Variants in PCDHGA3 observed in about 807,000 individuals in gnomAD.
PCDHGA3 encodes the protein protocadherin gamma subfamily A, 3, also known as protocadherin gamma-A3.
A neutral mutation model predicts 58.5 loss-of-function variants in PCDHGA3; 40 were observed. That is an observed-to-expected ratio of 0.68 (90% CI 0.53 to 0.89). PCDHGA3 has a LOEUF of 0.89. Ranked by LOEUF, PCDHGA3 falls within the 40% of genes least tolerant of loss-of-function variation. PCDHGA3 has a pLI of 0.00. For synonymous variants in PCDHGA3, 530 were observed against 525.7 expected (o/e 1.01, Z -0.11); for missense variants, 1,223 against 1,195.9 (o/e 1.02, Z -0.33).
rs2099883574 is a variant in PCDHGA3, at chr5:141,511,027, C to T, written c.2653C>T (p.Leu885=). The change falls in exon 4 of 4, where the codon CTG becomes TTG. Residue 885 remains leucine (L), a synonymous_variant. Transcript: ENST00000253812. ...CGCCCGCTACGGACCCCAGTTCACCCTGCAGCACGTGCCCGACTACCGCCA... is the reference window on the plus strand; with the variant it reads ...CGCCCGCTACGGACCCCAGTTCACCTTGCAGCACGTGCCCGACTACCGCCA... The part of the protein sequence containing the change: ...LSARYGPQFT[L]QHVPDYRQNV... 2 of 1,614,230 alleles carry T rather than the reference C, an allele frequency of 1.2e-6. No individual in the cohort carries two copies. The highest frequency in any genetic ancestry group is 1.7e-6 in the Non-Finnish European group (2 of 1,180,034).
At chr5:141,381,271 T>G (rs1366742753) in intron 1 of PCDHGA3, among the ~76,000 whole-genome samples, 1 of 152,252 alleles carries the variant, frequency 6.6e-6, no homozygotes, top group Non-Finnish European at 1.5e-5. Context: ...CCAAGACTGT[T>G]TCTTGCCAGG....
At chr5:141,505,028 G>A (rs2099842951) in intron 2 of PCDHGA3, among the ~76,000 whole-genome samples, 1 of 152,164 alleles carries the variant, frequency 6.6e-6, no homozygotes, top group Admixed American at 6.5e-5. Flanking sequence ...CTGGCACAGT[G>A]GCAGGTGCCT....
intron 1 of PCDHGA3, chr5:141,356,935 C>G (rs757650292): frequency 6.2e-7 from 1 of 1,614,226 alleles, no homozygotes; most frequent in South Asian, 1.1e-5. Flanking sequence ...GGAGCTGGCA[C>G]CCCGCTCCGC....
chr5:141,390,016 T>G (rs768656280), intron 1 of PCDHGA3: 2 of 1,613,978 alleles, frequency 1.2e-6, no homozygotes, highest in East Asian at 4.5e-5. Context: ...GCCATTGCCT[T>G]GCGCCTGCGA....
intron 3 of PCDHGA3, chr5:141,507,291 T>A (rs956764262): frequency 3.4e-5 from 5 of 147,704 alleles, no homozygotes; most frequent in African/African-American, 5.1e-5. Flanking sequence ...CAGTCTCAAA[T>A]GTTGCATGAG....
intron 1 of PCDHGA3, chr5:141,384,203 A>T (rs568171038): frequency 6.2e-7 from 1 of 1,613,900 alleles, no homozygotes; most frequent in African/African-American, 1.3e-5. Context: ...TTGTCCAGGG[A>T]AACTCACATA....
chr5:141,410,518 C>T (rs753664223), intron 1 of PCDHGA3: 1 of 1,613,820 alleles, frequency 6.2e-7, no homozygotes, highest in Non-Finnish European at 8.5e-7. Flanking sequence ...GCAGTGTGCC[C>T]CTACATTCCA....
chr5:141,477,427 C>T lies in PCDHGA3; in HGVS notation c.2425-17380C>T. On this transcript the variant is annotated intron_variant, in intron 1 of 3. Coordinates refer to ENST00000253812, the MANE Select transcript of PCDHGA3 (RefSeq NM_018916.4). The surrounding 1 kb of genome is among the most constrained non-coding windows in gnomAD (Gnocchi z 4.9). ...CCCGAGACGCCGGAACCCCTTCCCT[C>T]TCAGCCCTTACAATAGTGCGTGTTC... The T allele has an allele frequency of 6.2e-7, 1 of 1,614,220 alleles. No homozygotes were observed. The highest frequency in any genetic ancestry group is 8.5e-7 in the Non-Finnish European group (1 of 1,180,046).
At chr5:141,448,542 T>G (rs2098594694) in intron 1 of PCDHGA3, among the ~76,000 whole-genome samples, 1 of 152,210 alleles carries the variant, frequency 6.6e-6, no homozygotes, top group Non-Finnish European at 1.5e-5. Flanking sequence ...GCATTTCTTA[T>G]GCAAATATGT....
chr5:141,456,087 C>T (rs1218579202), intron 1 of PCDHGA3, among the ~76,000 whole-genome samples: 1 of 151,886 alleles, frequency 6.6e-6, no homozygotes, highest in Non-Finnish European at 1.5e-5. Context: ...TCAGTAGAGA[C>T]GGGATTTCAC....
In PCDHGA3 at chr5:141,463,735, C is replaced by T. The variant is rs1411988885; in HGVS notation, c.2425-31072C>T. On this transcript the variant is annotated intron_variant, in intron 1 of 3. Coordinates refer to ENST00000253812, the MANE Select transcript of PCDHGA3 (RefSeq NM_018916.4). ...TGCTGGGATTACAGGCATGAGCCAC[C>T]GCGCCCGGCCTGCTTCTCTTCTCTT... 3.3e-5 allele frequency among the ~76,000 whole-genome samples: 5 copies of T among 152,100 alleles called. No individual in the cohort carries two copies. The East Asian group carries it at 7.8e-4, about 24-fold the overall frequency.
Position 141,404,625 on chromosome 5 carries a change from A to G in PCDHGA3, c.2424+58168A>G, listed in dbSNP as rs375300806. The G allele has an allele frequency of 9.0e-5, 146 of 1,614,036 alleles. No homozygotes were observed. The highest frequency in any genetic ancestry group is 5.1e-4 in the South Asian group (46 of 91,078). On this transcript the variant is annotated intron_variant, in intron 1 of 3. Transcript: ENST00000253812. ...CTGTTTGTTTTGGACCAGAATGACA[A>G]TGCCCCAGAAATCCTGTACCCTGCC...
At chr5:141,419,203 C>A in intron 1 of PCDHGA3, 1 of 1,613,988 alleles carries the variant, frequency 6.2e-7, no homozygotes, top group South Asian at 1.1e-5. Context: ...TCAATGACAA[C>A]GCGCCGGTTT....
chr5:141,360,055 G>A, intron 1 of PCDHGA3: 1 of 1,446,612 alleles, frequency 6.9e-7, no homozygotes, highest in Non-Finnish European at 9.1e-7. Context: ...ACAAAAGCAG[G>A]AAAAGTGACC....
At chr5:141,366,613 G>A (rs555802357) in intron 1 of PCDHGA3, 93 of 1,614,096 alleles carry the variant, frequency 5.8e-5, no homozygotes, top group African/African-American at 8.0e-5. Context: ...CCCTCACCGC[G>A]GACTCGAGGA....
intron 1 of PCDHGA3, among the ~76,000 whole-genome samples, chr5:141,407,131 T>C (rs1164616354): frequency 6.6e-6 from 1 of 152,226 alleles, no homozygotes; most frequent in African/African-American, 2.4e-5. Context: ...TGCTTTATTT[T>C]TAAGAAAAAA....
chr5:141,414,173 C>A, intron 1 of PCDHGA3: 1 of 1,606,526 alleles, frequency 6.2e-7, no homozygotes. Context: ...GCATATCTTG[C>A]AACTGCAAAA....
chr5:141,451,536 G>A (rs1183287437), intron 1 of PCDHGA3, among the ~76,000 whole-genome samples: 1 of 152,202 alleles, frequency 6.6e-6, no homozygotes, highest in Non-Finnish European at 1.5e-5. Context: ...GAGAGTGCCA[G>A]AGAGGGCAAA....
At position 141,476,395 on chromosome 5, in the gene PCDHGA3, T is replaced by C. The variant is rs545562470; in HGVS notation, c.2425-18412T>C. 4 of 1,614,020 alleles carry C rather than the reference T, an allele frequency of 2.5e-6. 1 individual carries two copies. In the South Asian group the frequency reaches 4.4e-5, roughly 18 times the overall value. On this transcript the variant is annotated intron_variant, in intron 1 of 3. Transcript: ENST00000253812. This position sits in a 1 kb window ranked among gnomAD's most constrained non-coding sequence, Gnocchi z 7.6. ...AGATGTTTGTGAACGACCGTCTGGATCGAGAGGAGCTGTGTGGGACACTGC... is the reference window on the plus strand; with the variant it reads ...AGATGTTTGTGAACGACCGTCTGGACCGAGAGGAGCTGTGTGGGACACTGC...
Sources: allele counts gnomAD v4.1 joint callset (sites outside exome capture counted in the v4.1 genomes callset), GRCh38; gene constraint gnomAD v4.1.1; non-coding constraint Gnocchi (gnomAD v3.1); transcripts MANE v1.5; gene names NCBI Gene and HGNC (gene_info 2026-07-23, HGNC 2026-07-21).